Variants in ZCCHC7 observed in about 807,000 individuals in gnomAD.
ZCCHC7 encodes zinc finger CCHC domain-containing protein 7.
ZCCHC7 carries 35 observed loss-of-function variants against 52.0 expected under a neutral mutation model. That is an observed-to-expected ratio of 0.67 (90% CI 0.51 to 0.89). The LOEUF (loss-of-function observed/expected upper bound fraction) is 0.89. ZCCHC7 is among the 40% of genes least tolerant of loss of function. The pLI, the probability that ZCCHC7 is intolerant of heterozygous loss-of-function variation, is 0.00. For synonymous variants in ZCCHC7, 217 were observed against 221.5 expected (o/e 0.98, Z 0.18); for missense variants, 574 against 649.1 (o/e 0.88, Z 1.26).
intron 2 of ZCCHC7, among the ~76,000 whole-genome samples, chr9:37,231,245 C>G (rs915363554): frequency 2.6e-5 from 4 of 152,166 alleles, no homozygotes; most frequent in Non-Finnish European, 5.9e-5. Context: ...CGCGCCTGGC[C>G]ATAAACGTCT....
chr9:37,318,617 A>G (rs1829924163), intron 5 of ZCCHC7, among the ~76,000 whole-genome samples: 1 of 152,058 alleles, frequency 6.6e-6, no homozygotes, highest in Admixed American at 6.6e-5. Flanking sequence ...TTTGCATAGA[A>G]AAAAGTTTGA....
intron 2 of ZCCHC7, among the ~76,000 whole-genome samples, chr9:37,179,926 A>C (rs1194015926): frequency 2.0e-5 from 3 of 152,188 alleles, no homozygotes; most frequent in African/African-American, 7.2e-5. Context: ...AGAGTCCATA[A>C]GTATAAATTT....
intron 5 of ZCCHC7, among the ~76,000 whole-genome samples, chr9:37,311,987 G>C (rs1288192106): frequency 6.6e-6 from 1 of 152,162 alleles, no homozygotes; most frequent in Non-Finnish European, 1.5e-5. Context: ...AGAATGGAGA[G>C]TTACTAGAGC....
At chr9:37,136,407 T>TTTG (rs551231527) in intron 2 of ZCCHC7, among the ~76,000 whole-genome samples, 2 of 152,080 alleles carry the variant, frequency 1.3e-5, no homozygotes, top group East Asian at 1.9e-4. Flanking sequence ...TTTGTTGTTG[T>TTTG]TTGTTGTTGT....
intron 2 of ZCCHC7, among the ~76,000 whole-genome samples, chr9:37,151,086 T>A (rs1208675365): frequency 6.7e-6 from 1 of 150,164 alleles, no homozygotes; most frequent in Non-Finnish European, 1.5e-5. Flanking sequence ...TGCCTAAGCC[T>A]CCCGAGTAGC....
chr9:37,279,309 G>A (rs1216264453), intron 2 of ZCCHC7, among the ~76,000 whole-genome samples: 1 of 151,764 alleles, frequency 6.6e-6, no homozygotes, highest in Non-Finnish European at 1.5e-5. Flanking sequence ...GAATCATTTG[G>A]TGACAAGTTT....
intron 2 of ZCCHC7, among the ~76,000 whole-genome samples, chr9:37,201,071 CT>C (rs1240338392): frequency 6.6e-6 from 1 of 152,028 alleles, no homozygotes; most frequent in Non-Finnish European, 1.5e-5. Context: ...GCTCTTGTAA[CT>C]TTTGTTTTGA....
intron 2 of ZCCHC7, among the ~76,000 whole-genome samples, chr9:37,289,907 AC>A (rs1156741847): frequency 1.1e-4 from 16 of 152,216 alleles, no homozygotes; most frequent in African/African-American, 3.6e-4. Flanking sequence ...GAATGCTCTT[AC>A]CGCAGAAGTA....
intron 5 of ZCCHC7, among the ~76,000 whole-genome samples, chr9:37,324,536 G>C (rs1321831278): frequency 6.6e-6 from 1 of 152,210 alleles, no homozygotes; most frequent in Admixed American, 6.5e-5. Context: ...CTGTGATTGT[G>C]AACATATTTC....
At chr9:37,237,064 A>C (rs1246304731) in intron 2 of ZCCHC7, among the ~76,000 whole-genome samples, 2 of 152,180 alleles carry the variant, frequency 1.3e-5, no homozygotes, top group Admixed American at 6.5e-5. Flanking sequence ...AACCAAAGGC[A>C]ATTCTAATTG....
intron 5 of ZCCHC7, among the ~76,000 whole-genome samples, chr9:37,306,650 A>C (rs1445675873): frequency 7.2e-6 from 1 of 139,014 alleles, no homozygotes; most frequent in Non-Finnish European, 1.5e-5. Flanking sequence ...TTTTTAGTAG[A>C]TACGGGGTTT....
At chr9:37,338,450 T>C (rs575612409) in intron 6 of ZCCHC7, among the ~76,000 whole-genome samples, 1 of 152,294 alleles carries the variant, frequency 6.6e-6, no homozygotes, top group African/African-American at 2.4e-5. Flanking sequence ...AAGACATAAG[T>C]ATACAAACAT....
At chr9:37,223,928 T>C (rs1353864909) in intron 2 of ZCCHC7, among the ~76,000 whole-genome samples, 2 of 152,100 alleles carry the variant, frequency 1.3e-5, no homozygotes, top group Non-Finnish European at 2.9e-5. Context: ...AATTTATGCC[T>C]AAAAAAGACA....
intron 2 of ZCCHC7, among the ~76,000 whole-genome samples, chr9:37,139,496 T>C (rs1457518225): frequency 6.6e-6 from 1 of 151,942 alleles, no homozygotes; most frequent in Non-Finnish European, 1.5e-5. Flanking sequence ...GGATTCTAAA[T>C]GTAATAATTA....
chr9:37,341,115 T>G (rs1324978816), intron 6 of ZCCHC7, among the ~76,000 whole-genome samples: 1 of 152,190 alleles, frequency 6.6e-6, no homozygotes, highest in Non-Finnish European at 1.5e-5. Flanking sequence ...GAAGGATCTC[T>G]TTGTCCCTGG....
At chr9:37,337,963 G>T (rs1002598002) in intron 6 of ZCCHC7, among the ~76,000 whole-genome samples, 6 of 152,088 alleles carry the variant, frequency 3.9e-5, no homozygotes, top group African/African-American at 1.2e-4. Flanking sequence ...AAATAGGGTG[G>T]TATATTAAAC....
chr9:37,327,708 G>T (rs909572518), intron 5 of ZCCHC7, 91 bp from the exon 6 acceptor site: 43 of 1,381,366 alleles, frequency 3.1e-5, no homozygotes, highest in South Asian at 8.5e-5. Flanking sequence ...TCCTGTGACC[G>T]ACACCGGTGG....
At chr9:37,238,665 G>C (rs1341348871) in intron 2 of ZCCHC7, among the ~76,000 whole-genome samples, 1 of 151,940 alleles carries the variant, frequency 6.6e-6, no homozygotes, top group Non-Finnish European at 1.5e-5. Flanking sequence ...GCATTATTTT[G>C]CTATTATTCA....
chr9:37,127,902 C>T (rs1480316613), intron 2 of ZCCHC7, among the ~76,000 whole-genome samples: 1 of 152,090 alleles, frequency 6.6e-6, no homozygotes, highest in Non-Finnish European at 1.5e-5. Context: ...CAACTTGGCC[C>T]TTGTGGGAAA....
Sources: gnomAD v4.1 joint callset for allele counts (sites outside exome capture counted in the v4.1 genomes callset) on GRCh38, gnomAD v4.1.1 for gene constraint, MANE v1.5 for transcripts, NCBI Gene and HGNC (gene_info 2026-07-23, HGNC 2026-07-21) for gene names.